The following PKHD1 variants were observed in gnomAD, a reference collection of about 807,000 sequenced individuals.
PKHD1 encodes the protein PKHD1 ciliary IPT domain containing fibrocystin/polyductin.
In PKHD1, 291 loss-of-function variants were observed where a neutral mutation model predicts 412.0. That is an observed-to-expected ratio of 0.71 (90% CI 0.64 to 0.78). PKHD1 has a LOEUF of 0.78. Among genes scored for constraint, PKHD1 ranks in the 30% least tolerant of loss-of-function variants. The probability of loss-of-function intolerance (pLI) is 0.00; values close to 1 mark genes in which losing one functional copy is unlikely to be tolerated. For missense variants in PKHD1, 4,825 were observed against 4,950.7 expected, an observed-to-expected ratio of 0.97 and a Z score of 0.76; for synonymous variants, 1,777 against 1,821.5, an observed-to-expected ratio of 0.98 and a Z score of 0.62.
chr6:51,780,399 AAAAG>A (rs1311386524), intron 53 of PKHD1, among the ~76,000 whole-genome samples: 4 of 152,050 alleles, frequency 2.6e-5, no homozygotes, highest in African/African-American at 9.7e-5. Context: ...AGAAAAAAAA[AAAAG>A]AAAGTAAAAA....
chr6:51,922,650 G>C lies in PKHD1; in HGVS notation c.6122-10074C>G, dbSNP rs187185364. 2.0e-5 allele frequency among the ~76,000 whole-genome samples: 3 copies of C among 152,302 alleles called. No homozygotes were observed. In the South Asian group the frequency reaches 6.2e-4, roughly 32 times the overall value. On this transcript the variant is annotated intron_variant, in intron 37 of 66. Transcript: ENST00000371117. ...TACCTACTCAAGCCTCAGCAATGGC[G>C]GATGCCCCTCCCCAAGCCTCGCTGC... is the stretch of plus-strand genomic sequence containing the variant.
intron 60 of PKHD1, among the ~76,000 whole-genome samples, chr6:51,669,286 T>A (rs1581962728): frequency 6.6e-6 from 1 of 152,236 alleles, no homozygotes; most frequent in East Asian, 1.9e-4. Context: ...AGAGTGTATG[T>A]GTCGAGGAAT....
chr6:51,762,665 A>ATTTTTT (rs142571019), intron 55 of PKHD1, among the ~76,000 whole-genome samples: 24 of 146,344 alleles, frequency 1.6e-4, no homozygotes, highest in East Asian at 7.8e-4. Context: ...ATATATATAT[A>ATTTTTT]TTTTCAGGTA....
At chr6:51,829,541 G>C (rs1461197482) in intron 52 of PKHD1, among the ~76,000 whole-genome samples, 1 of 152,040 alleles carries the variant, frequency 6.6e-6, no homozygotes, top group East Asian at 1.9e-4. Flanking sequence ...TTTCATATAG[G>C]AATGACTCAC....
chr6:52,059,253 CTTTTTCTT>C (rs1808291223), intron 15 of PKHD1, among the ~76,000 whole-genome samples: 1 of 98,278 alleles, frequency 1.0e-5, no homozygotes, highest in Non-Finnish European at 2.1e-5. Context: ...TTTTCTTTTT[CTTTTTCTT>C]TTTTTTTTTT....
intron 36 of PKHD1, among the ~76,000 whole-genome samples, chr6:51,934,931 G>C (rs1787233153): frequency 6.6e-6 from 1 of 152,138 alleles, no homozygotes; most frequent in Non-Finnish European, 1.5e-5. Context: ...GAGAAATATG[G>C]AGCAAAAGGG....
At chr6:51,874,364 T>C (rs972890374) in intron 46 of PKHD1, among the ~76,000 whole-genome samples, 1 of 152,184 alleles carries the variant, frequency 6.6e-6, no homozygotes, top group African/African-American at 2.4e-5. Context: ...CAAACTAGGA[T>C]ATATCGTCAT....
chr6:51,790,543 A>G (rs1793579871), intron 53 of PKHD1, among the ~76,000 whole-genome samples: 1 of 152,128 alleles, frequency 6.6e-6, no homozygotes, highest in South Asian at 2.1e-4. Context: ...AGAGGAGTTA[A>G]TGGCATGGAA....
chr6:51,773,135 A>G (rs561309796), intron 54 of PKHD1, among the ~76,000 whole-genome samples: 1 of 152,136 alleles, frequency 6.6e-6, no homozygotes, highest in African/African-American at 2.4e-5. Context: ...TTCTTTTGGA[A>G]GTTAACCAGT....
chr6:52,010,490 T>C lies in PKHD1; in HGVS notation c.5601-31A>G, dbSNP rs750246034. ...ACGAGAGGGGAGGTTAAATGGGGTG[T>C]CATCAATCTTAATGAAATGCAATTA... On this transcript the variant is annotated intron_variant, in intron 34 of 66. Transcript: ENST00000371117. 11 of 1,483,508 alleles carry C rather than the reference T, an allele frequency of 7.4e-6. No homozygotes were observed. The Admixed American group carries it at 1.7e-4, about 23-fold the overall frequency. 91.9% of individuals were successfully genotyped at this position (1,483,508 alleles called of 1,614,324 possible).
At chr6:51,686,044 C>T (rs1777388338) in intron 60 of PKHD1, among the ~76,000 whole-genome samples, 1 of 152,138 alleles carries the variant, frequency 6.6e-6, no homozygotes, top group South Asian at 2.1e-4. Context: ...TTCTAACACT[C>T]TTTCTCTGCT....
intron 60 of PKHD1, among the ~76,000 whole-genome samples, chr6:51,701,031 T>C (rs923023200): frequency 6.6e-6 from 1 of 152,134 alleles, no homozygotes; most frequent in African/African-American, 2.4e-5. Flanking sequence ...AGAACCCACC[T>C]TATCCTGGCA....
chr6:52,081,899 T>C (rs1317120933), intron 4 of PKHD1, among the ~76,000 whole-genome samples: 1 of 152,142 alleles, frequency 6.6e-6, no homozygotes, highest in East Asian at 1.9e-4. Flanking sequence ...CTAGTCTAAA[T>C]TTCACAGGGC....
At position 51,883,096 on chromosome 6, in the gene PKHD1, G is replaced by A; in HGVS notation, c.7347C>T (p.His2449=). 6.2e-7 allele frequency: 1 copy of A among 1,612,918 alleles called. No homozygotes were observed. Among genetic ancestry groups the A allele is most frequent in the Non-Finnish European group, 8.5e-7 (1 of 1,179,150 alleles). Residue 2449 remains histidine (H), a synonymous_variant, in exon 46 of 67, where the codon CAC becomes CAT. Coordinates refer to ENST00000371117, the MANE Select transcript of PKHD1 (RefSeq NM_138694.4). ...ACAACCACACTAAGGCACTTACCTT[G>A]TGGGCAAAATGACCAAGTAATAAGC... ...TDSLLLGHFA[H]KGSLCMSSGI...
rs145967326 is a variant in PKHD1, at chr6:51,690,433, T to C, written c.10157-30464A>G. ...TTCAAACTATACTACAGGCCTATAG[T>C]AATCAAAACAGCATAGTACTGGTAC... is the stretch of plus-strand genomic sequence containing the variant. On this transcript the variant is annotated intron_variant, in intron 60 of 66. Coordinates refer to ENST00000371117, the MANE Select transcript of PKHD1 (RefSeq NM_138694.4). 6.0e-3 allele frequency among the ~76,000 whole-genome samples: 911 copies of C among 152,240 alleles called. 3 individuals carry two copies. The highest frequency in any genetic ancestry group is 9.2e-3 in the Non-Finnish European group (624 of 68,022).
chr6:51,631,953 TTA>T (rs1491368789), intron 65 of PKHD1, among the ~76,000 whole-genome samples: 1 of 150,868 alleles, frequency 6.6e-6, no homozygotes, highest in Non-Finnish European at 1.5e-5. Flanking sequence ...TTTTTTTTTT[TTA>T]TTGTGACAGA....
At chr6:51,903,520 A>C in intron 43 of PKHD1, 77 bp downstream of exon 43, 1 of 1,319,662 alleles carries the variant, frequency 7.6e-7, no homozygotes, top group Admixed American at 1.7e-5. Context: ...GGAAGCCAAA[A>C]GGTTGGACAC....
At chr6:51,950,220 A>AAAAAAAAAAAAAAAAAAATATAT in intron 36 of PKHD1, among the ~76,000 whole-genome samples, 4 of 98,322 alleles carry the variant, frequency 4.1e-5, no homozygotes, top group African/African-American at 1.5e-4. Flanking sequence ...GAAAAAAAAA[A>AAAAAAAAAAAAAAAAAAATATAT]ATATATATAT....
At chr6:52,038,390 A>AG (rs1330067997) in intron 27 of PKHD1, among the ~76,000 whole-genome samples, 4 of 146,486 alleles carry the variant, frequency 2.7e-5, no homozygotes, top group Non-Finnish European at 1.5e-5. Flanking sequence ...AAAAAAAAAA[A>AG]GTTGGCAGGG....
Sources: allele counts gnomAD v4.1 joint callset (sites outside exome capture counted in the v4.1 genomes callset), GRCh38; gene constraint gnomAD v4.1.1; transcripts MANE v1.5; gene names NCBI Gene and HGNC (gene_info 2026-07-23, HGNC 2026-07-21).